Variants in ZBTB20 observed in about 807,000 individuals in gnomAD.
ZBTB20 encodes the protein zinc finger and BTB domain-containing protein 20.
ZBTB20 carries 9 observed loss-of-function variants against 56.9 expected under a neutral mutation model. The ratio of observed to expected loss-of-function variants is 0.16; its 90% CI spans 0.10 to 0.28. The LOEUF (loss-of-function observed/expected upper bound fraction) is 0.28. ZBTB20 is among the 10% of genes least tolerant of loss of function. The pLI is 1.00. For synonymous variants in ZBTB20, 417 were observed against 420.7 expected, an observed-to-expected ratio of 0.99 and a Z score of 0.11; for missense variants, 655 against 1,003.0, an observed-to-expected ratio of 0.65 and a Z score of 4.69.
At chr3:114,424,383 A>G (rs1316213219) in intron 7 of ZBTB20, among the ~76,000 whole-genome samples, 2 of 152,202 alleles carry the variant, frequency 1.3e-5, no homozygotes, top group Admixed American at 6.5e-5. Context: ...ATATGCATGC[A>G]AAGTCTCTCC....
intron 7 of ZBTB20, among the ~76,000 whole-genome samples, chr3:114,414,205 A>G (rs1183946135): frequency 1.3e-5 from 2 of 152,154 alleles, no homozygotes; most frequent in African/African-American, 2.4e-5. Context: ...CTATCAACTA[A>G]TCTAAAGACT....
chr3:115,025,060 TCC>T (rs2080364678), intron 2 of ZBTB20, among the ~76,000 whole-genome samples: 3 of 151,088 alleles, frequency 2.0e-5, no homozygotes, highest in African/African-American at 7.3e-5. Context: ...AAGCCAAGTA[TCC>T]ATTAGTTATT....
chr3:114,487,940 C>T (rs1316461859), intron 7 of ZBTB20, among the ~76,000 whole-genome samples: 1 of 152,152 alleles, frequency 6.6e-6, no homozygotes, highest in African/African-American at 2.4e-5. Flanking sequence ...GTCAATCCTG[C>T]CCTGGAGACA....
chr3:114,913,773 A>G (rs938657826), intron 3 of ZBTB20, among the ~76,000 whole-genome samples: 7 of 151,894 alleles, frequency 4.6e-5, no homozygotes, highest in Non-Finnish European at 1.0e-4. Flanking sequence ...ATGAGAGAGA[A>G]GGGTCTAGTT....
At chr3:115,130,570 C>T (rs539642235) in intron 1 of ZBTB20, among the ~76,000 whole-genome samples, 20 of 152,126 alleles carry the variant, frequency 1.3e-4, no homozygotes, top group African/African-American at 4.6e-4. Flanking sequence ...GTTTATTTGG[C>T]CTGAAATGCT....
At chr3:115,055,124 G>C (rs1220344236) in intron 2 of ZBTB20, among the ~76,000 whole-genome samples, 1 of 150,650 alleles carries the variant, frequency 6.6e-6, no homozygotes, top group Non-Finnish European at 1.5e-5. Context: ...TATAGCCATA[G>C]AGTAATTTTA....
At chr3:114,722,123 T>A (rs2064961795) in intron 5 of ZBTB20, among the ~76,000 whole-genome samples, 2 of 152,122 alleles carry the variant, frequency 1.3e-5, no homozygotes, top group South Asian at 4.1e-4. Flanking sequence ...TAAGTGAGAA[T>A]AAGGGAGTGG....
At chr3:115,145,431 A>G (rs1163169443) in intron 1 of ZBTB20, among the ~76,000 whole-genome samples, 1 of 152,234 alleles carries the variant, frequency 6.6e-6, no homozygotes, top group African/African-American at 2.4e-5. Context: ...AAAATAGTGT[A>G]GTATTTGCAT....
intron 7 of ZBTB20, among the ~76,000 whole-genome samples, chr3:114,473,592 G>T (rs1265001416): frequency 6.6e-6 from 1 of 152,172 alleles, no homozygotes; most frequent in Non-Finnish European, 1.5e-5. Context: ...TGACTGGGAA[G>T]GCTGAGGCAG....
At chr3:114,341,957 GTTCCC>G (rs1403208597) in intron 11 of ZBTB20, among the ~76,000 whole-genome samples, 1 of 152,164 alleles carries the variant, frequency 6.6e-6, no homozygotes, top group Non-Finnish European at 1.5e-5. Flanking sequence ...AAAGTATCCT[GTTCCC>G]TTCCCTGCCA....
intron 7 of ZBTB20, among the ~76,000 whole-genome samples, chr3:114,444,867 G>GT (rs61080945): frequency 0.041 from 6,228 of 152,074 alleles, 220 homozygotes; most frequent in East Asian, 0.11. Context: ...ATTTTGTTAA[G>GT]TTTTTCTCGT....
intron 2 of ZBTB20, among the ~76,000 whole-genome samples, chr3:114,979,754 T>C (rs1379974102): frequency 1.3e-5 from 2 of 152,048 alleles, no homozygotes; most frequent in Non-Finnish European, 2.9e-5. Flanking sequence ...CTTCAAAGAC[T>C]GGAAAAGCTT....
At chr3:114,460,836 G>T (rs1397689935) in intron 7 of ZBTB20, among the ~76,000 whole-genome samples, 5 of 152,118 alleles carry the variant, frequency 3.3e-5, no homozygotes, top group Admixed American at 2.0e-4. Context: ...TATTTTAGCA[G>T]ATATATTACC....
chr3:115,130,827 T>C (rs2084483143), intron 1 of ZBTB20, among the ~76,000 whole-genome samples: 1 of 152,234 alleles, frequency 6.6e-6, no homozygotes. Flanking sequence ...AATGGCACCA[T>C]CTCGGCTCAC....
At chr3:114,900,495 A>C (rs886763803) in intron 3 of ZBTB20, 153 bp from the exon 4 acceptor site, 4 of 138,772 alleles carry the variant, frequency 2.9e-5, no homozygotes, top group African/African-American at 1.1e-4. Context: ...AGGATATTTC[A>C]TATATCTGAA....
At chr3:114,818,529 ATTAAT>A (rs1238039136) in intron 4 of ZBTB20, among the ~76,000 whole-genome samples, 1 of 152,068 alleles carries the variant, frequency 6.6e-6, no homozygotes. Context: ...TGTATGATGA[ATTAAT>A]TTGAGTTGAA....
intron 5 of ZBTB20, among the ~76,000 whole-genome samples, chr3:114,764,153 C>T (rs562048537): frequency 3.3e-5 from 5 of 151,974 alleles, no homozygotes; most frequent in Admixed American, 1.3e-4. Context: ...TATGCATGAG[C>T]TTTCAGAGCC....
Position 114,332,442 on chromosome 3 carries a change from T to C in ZBTB20, c.*6563A>G, listed in dbSNP as rs1054750551. ...CCCGGGCACCTGTGATTGCATTTTA[T>C]AGGATTCTATTTAGTAATATGATGT... On this transcript the variant is annotated 3_prime_UTR_variant, in exon 12 of 12. Coordinates refer to ENST00000675478, the MANE Select transcript of ZBTB20 (RefSeq NM_001348800.3). 1 of 152,220 alleles carries C rather than the reference T, an allele frequency of 6.6e-6. No homozygotes were observed. Among genetic ancestry groups the C allele is most frequent in the Non-Finnish European group, 1.5e-5 (1 of 68,028 alleles). 9.4% of individuals were successfully genotyped at this position (152,220 alleles called of 1,614,324 possible).
chr3:115,045,234 A>G (rs927614964), intron 2 of ZBTB20, among the ~76,000 whole-genome samples: 7 of 152,180 alleles, frequency 4.6e-5, no homozygotes, highest in South Asian at 4.1e-4. Context: ...CAATTTCTCT[A>G]TATCTAATGC....
Sources: allele counts gnomAD v4.1 joint callset (sites outside exome capture counted in the v4.1 genomes callset), GRCh38; gene constraint gnomAD v4.1.1; transcripts MANE v1.5; gene names NCBI Gene and HGNC (gene_info 2026-07-23, HGNC 2026-07-21).